Variants in CYP24A1 observed in about 807,000 individuals in gnomAD.
The protein encoded by CYP24A1 is cytochrome P450 family 24 subfamily A member 1, also known as 1,25-dihydroxyvitamin D(3) 24-hydroxylase, mitochondrial.
In CYP24A1, 68 loss-of-function variants were observed where a neutral mutation model predicts 62.4. That is an observed-to-expected ratio of 1.09 (90% CI 0.90 to 1.33). The LOEUF is 1.33. Ranked by LOEUF, CYP24A1 falls within the 40% of genes most tolerant of loss-of-function variation. The probability of loss-of-function intolerance (pLI) is 0.00; values close to 1 mark genes in which losing one functional copy is unlikely to be tolerated. For missense variants in CYP24A1, 787 were observed against 653.0 expected (o/e 1.21, Z -2.24); for synonymous variants, 267 against 253.0 (o/e 1.06, Z -0.52).
At position 54,165,833 on chromosome 20, in the gene CYP24A1, C is replaced by G; in HGVS notation, c.641G>C (p.Ser214Thr). Residue 214 changes from serine to threonine, a missense_variant and splice_region_variant, in exon 5 of 12, where the codon AGT becomes ACT. Physicochemically the swap from Ser to Thr is moderately conservative, Grantham distance 58. Transcript: ENST00000216862. ...CTTCTCATACAACACGAGGCAGATA[C>G]CTGTCATTTAAAATAATCATCACTT... ...YSELNKWSFESICLVLYEKRF... is the reference protein window; with the variant it reads ...YSELNKWSFETICLVLYEKRF... 7.6e-7 allele frequency: 1 copy of G among 1,316,530 alleles called. No homozygotes were observed. The highest frequency in any genetic ancestry group is 1.4e-5 in the African/African-American group (1 of 69,446). 81.6% of individuals were successfully genotyped at this position (1,316,530 alleles called of 1,614,324 possible).
At chr20:54,165,277 T>C (rs1015206717) in intron 5 of CYP24A1, among the ~76,000 whole-genome samples, 2 of 152,222 alleles carry the variant, frequency 1.3e-5, no homozygotes, top group African/African-American at 2.4e-5. Flanking sequence ...CTATTGTGAA[T>C]TGCCTATGCG....
In CYP24A1 at chr20:54,173,199, C is replaced by T; in HGVS notation, c.259-100G>A. 2 of 1,528,648 alleles carry T rather than the reference C, an allele frequency of 1.3e-6. No homozygotes were observed. The highest frequency in any genetic ancestry group is 1.8e-6 in the Non-Finnish European group (2 of 1,113,672). The allele number at this position is 1,528,648 out of a possible 1,614,324, so 94.7% of individuals were successfully genotyped here. On this transcript the variant is annotated intron_variant, in intron 1 of 11. Coordinates refer to ENST00000216862, the MANE Select transcript of CYP24A1 (RefSeq NM_000782.5). The surrounding 1 kb of genome is among the most constrained non-coding windows in gnomAD (Gnocchi z 7.2). ...CTCCTTCCTCCTAGGGGACCGGGGA[C>T]CCTCCCTGCCCAGACGCCGAAGCGC...
the CYP24A1 span, among the ~76,000 whole-genome samples, chr20:54,144,139 C>G: frequency 6.6e-6 from 1 of 152,124 alleles, no homozygotes; most frequent in Non-Finnish European, 1.5e-5. Context: ...AAGTACCTTG[C>G]TCAGGGTTTA....
chr20:54,168,395 TG>T (rs2092680019), intron 4 of CYP24A1, among the ~76,000 whole-genome samples: 1 of 152,138 alleles, frequency 6.6e-6, no homozygotes, highest in Non-Finnish European at 1.5e-5. Flanking sequence ...AGCTGTGCCC[TG>T]TTGGACACCT....
In CYP24A1 at chr20:54,164,497, C is replaced by A. The variant is rs771933784; in HGVS notation, c.799G>T (p.Val267Phe). The A allele has an allele frequency of 6.2e-7, 1 of 1,614,100 alleles. No individual in the cohort carries two copies. Among genetic ancestry groups the A allele is most frequent in the South Asian group, 1.1e-5 (1 of 91,082 alleles). ...VELHKSLNTK[V>F]WQDHTLAWDT... The stretch of plus-strand genomic sequence containing the variant: ...CAGGCCAGAGTGTGGTCCTGCCAGA[C>A]CTTGGTGTTGAGGCTCTTGTGCAGC... Residue 267 changes from valine to phenylalanine, a missense_variant, in exon 6 of 12, where the codon GTC becomes TTC. Coordinates refer to ENST00000216862, the MANE Select transcript of CYP24A1 (RefSeq NM_000782.5).
chr20:54,158,116 T>C lies in CYP24A1; in HGVS notation c.1206A>G (p.Thr402=), dbSNP rs1158396301. The change falls in exon 9 of 12, where the codon ACA becomes ACG. Residue 402 remains threonine (T), a synonymous_variant. Transcript: ENST00000216862. ...TGGGTAAAGCATATTCACCCAGAAC[T>C]GTTGCCTTGTCAAGAGTCCGAGTTG... ...PFTTRTLDKA[T]VLGEYALPKG... is the part of the protein sequence containing the mutation. 2.5e-6 allele frequency: 4 copies of C among 1,614,064 alleles called. No homozygotes were observed. The highest frequency in any genetic ancestry group is 1.7e-5 in the Admixed American group (1 of 60,034).
At chr20:54,167,586 A>G (rs995988773) in intron 4 of CYP24A1, among the ~76,000 whole-genome samples, 8 of 152,196 alleles carry the variant, frequency 5.3e-5, no homozygotes, top group East Asian at 3.9e-4. Flanking sequence ...AGCCTGGGCA[A>G]CATGGTGAAA....
chr20:54,157,614 T>TA, intron 9 of CYP24A1, 29 bp from the exon 10 acceptor site: 1 of 1,320,332 alleles, frequency 7.6e-7, no homozygotes. Context: ...ACATAGTATT[T>TA]AAAATAACCA....
intron 5 of CYP24A1, among the ~76,000 whole-genome samples, chr20:54,165,417 T>C (rs942680265): frequency 1.1e-4 from 16 of 152,354 alleles, no homozygotes; most frequent in African/African-American, 3.6e-4. Context: ...TTCTACATTA[T>C]GGTGAGTATA....
At chr20:54,170,204 G>T (rs550697925) in intron 3 of CYP24A1, among the ~76,000 whole-genome samples, 2 of 152,310 alleles carry the variant, frequency 1.3e-5, no homozygotes, top group Admixed American at 6.5e-5. Flanking sequence ...AGTAGTCTAT[G>T]ACCTTGGGAT....
intron 7 of CYP24A1, among the ~76,000 whole-genome samples, chr20:54,161,477 C>T (rs554269886): frequency 5.3e-5 from 8 of 152,250 alleles, no homozygotes; most frequent in Non-Finnish European, 1.0e-4. Flanking sequence ...GAACCCTTGT[C>T]TCTGGTTCAT....
the CYP24A1 span, among the ~76,000 whole-genome samples, chr20:54,144,119 C>T: frequency 2.6e-5 from 4 of 152,164 alleles, no homozygotes; most frequent in Non-Finnish European, 5.9e-5. Context: ...CATGGCGGCC[C>T]CATGCTTAGA....
Position 54,158,087 on chromosome 20 carries a change from C to T in CYP24A1, c.1235G>A (p.Gly412Glu), listed in dbSNP as rs376936695. 197 of 1,613,554 alleles carry T rather than the reference C, an allele frequency of 1.2e-4. No individual in the cohort carries two copies. The highest frequency in any genetic ancestry group is 1.5e-4 in the Non-Finnish European group (180 of 1,179,840). ...ATAGAATATACAAATTCTACTTACT[C>T]CTTTGGGTAAAGCATATTCACCCAG... Reference protein sequence around the residue: ...TVLGEYALPKGTVLMLNTQVL... With the variant: ...TVLGEYALPKETVLMLNTQVL... Residue 412 changes from glycine (G) to glutamate (E), a missense_variant and splice_region_variant, in exon 9 of 12, where the codon GGA becomes GAA. Coordinates refer to ENST00000216862, the MANE Select transcript of CYP24A1 (RefSeq NM_000782.5).
chr20:54,165,715 A>C (rs762371806), intron 5 of CYP24A1, 27 bp downstream of exon 5: 41 of 1,113,346 alleles, frequency 3.7e-5, no homozygotes, highest in Non-Finnish European at 4.2e-6. Context: ...CAATCAAGAA[A>C]ACTGCTTTCT....
chr20:54,155,695 C>A (rs956572311), intron 11 of CYP24A1, among the ~76,000 whole-genome samples: 1 of 146,384 alleles, frequency 6.8e-6, no homozygotes, highest in Non-Finnish European at 1.5e-5. Context: ...TGAGATTGCA[C>A]CATTGCACTC....
intron 7 of CYP24A1, among the ~76,000 whole-genome samples, chr20:54,161,264 G>T (rs2092649293): frequency 1.3e-5 from 2 of 152,292 alleles, no homozygotes; most frequent in South Asian, 2.1e-4. Context: ...TCTTTCTGTG[G>T]CTGGCTCTTC....
intron 2 of CYP24A1, 112 bp downstream of exon 2, chr20:54,172,797 C>T (rs1601149853): frequency 1.7e-5 from 27 of 1,576,750 alleles, no homozygotes; most frequent in Non-Finnish European, 2.1e-5. Flanking sequence ...ATCCGCCCTA[C>T]GTAAGAAGCT....
chr20:54,149,920 C>G (rs548056967), downstream of CYP24A1, among the ~76,000 whole-genome samples: 1 of 152,262 alleles, frequency 6.6e-6, no homozygotes, highest in African/African-American at 2.4e-5. Flanking sequence ...TGACATGGCC[C>G]CTAGACATAA....
rs746625209 is a variant in CYP24A1 at position 54,173,032 on chromosome 20, A to G, written c.326T>C (p.Leu109Pro). 4 of 1,609,826 alleles carry G rather than the reference A, an allele frequency of 2.5e-6. No homozygotes were observed. Among genetic ancestry groups the G allele is most frequent in the African/African-American group, 2.7e-5 (2 of 74,936 alleles). The change falls in exon 2 of 12, where the codon CTG becomes CCG. Residue 109 changes from leucine (L) to proline (P), a missense_variant. Leu to Pro is a moderately conservative substitution (Grantham distance 98, BLOSUM62 -3). Transcript: ENST00000216862. This position sits in a 1 kb window ranked among gnomAD's most constrained non-coding sequence, Gnocchi z 7.2. The part of the protein sequence containing the change: ...MKLGSFESVH[L>P]GSPCLLEALY... ...CGCTTCCAGCAGGCATGGCGAGCCC[A>G]GGTGCACCGACTCAAAGGAACCCAA...
Sources: allele counts gnomAD v4.1 joint callset (sites outside exome capture counted in the v4.1 genomes callset), GRCh38; gene constraint gnomAD v4.1.1; non-coding constraint Gnocchi (gnomAD v3.1); transcripts MANE v1.5; gene names NCBI Gene and HGNC (gene_info 2026-07-23, HGNC 2026-07-21).